Variants in SLC25A40 observed in about 807,000 individuals in gnomAD.
The protein encoded by SLC25A40 is mitochondrial glutathione transporter SLC25A40.
SLC25A40 carries 41 observed loss-of-function variants against 46.5 expected under a neutral mutation model. That is an observed-to-expected ratio of 0.88 (90% confidence interval 0.69 to 1.14). The LOEUF is 1.14. Among genes scored for constraint, SLC25A40 ranks in the 50% most tolerant of loss-of-function variants. The probability of loss-of-function intolerance (pLI) is 0.00; values close to 1 mark genes in which losing one functional copy is unlikely to be tolerated. For missense variants in SLC25A40, 386 were observed against 393.6 expected, an observed-to-expected ratio of 0.98 and a Z score of 0.16; for synonymous variants, 126 against 127.5, an observed-to-expected ratio of 0.99 and a Z score of 0.08.
chr7:87,846,011 C>A (rs1838412665), intron 8 of SLC25A40, among the ~76,000 whole-genome samples: 1 of 151,996 alleles, frequency 6.6e-6, no homozygotes, highest in African/African-American at 2.4e-5. Context: ...CAAAGGTACA[C>A]CAAGAAACTG....
chr7:87,847,004 C>T lies in SLC25A40; in HGVS notation c.576G>A (p.Trp192Ter), dbSNP rs1035790230. The T allele has an allele frequency of 5.6e-6, 9 of 1,613,570 alleles. No individual in the cohort carries two copies. The highest frequency in any genetic ancestry group is 1.6e-4 in the Middle Eastern group (1 of 6,080). Residue 192 changes from tryptophan (W) to a stop codon, truncating the protein, a stop_gained, in exon 8 of 12, where the codon TGG becomes TGA. Transcript: ENST00000341119. LOFTEE classifies it high-confidence loss of function. ...GAGCCCAGCCCCTCCAAAGGGAAAT[C>T]CAACCATCTTCAGATACTTTCTTGC... Reference protein sequence around the residue: ...FVSKKVSEDGWISLWRGWAPT... With the variant: ...FVSKKVSEDG
intron 8 of SLC25A40, 50 bp downstream of exon 8, chr7:87,846,899 T>C: frequency 6.9e-7 from 1 of 1,446,372 alleles, no homozygotes; most frequent in Non-Finnish European, 9.3e-7. Flanking sequence ...AATATTTGAA[T>C]GAGACAAAGC....
At position 87,835,280 on chromosome 7, in the gene SLC25A40, TCTTA is replaced by T. The variant is rs1838239885; in HGVS notation, c.*965_*968del. ...CAAGGAAACAGCTTCTTGTTTAGCC[TCTTA>T]CTCTACCATACTTAGAGTAAAAATC... On this transcript the variant is annotated 3_prime_UTR_variant, in exon 12 of 12. Coordinates refer to ENST00000341119, the MANE Select transcript of SLC25A40 (RefSeq NM_018843.4). 6.6e-6 allele frequency: 1 copy of T among 151,646 alleles called. No homozygotes were observed. The highest frequency in any genetic ancestry group is 2.1e-4 in the South Asian group (1 of 4,826). 9.4% of individuals were successfully genotyped at this position (151,646 alleles called of 1,614,324 possible). A position where few individuals can be genotyped will look rare whatever the true frequency, so the allele number is the denominator to read the frequency against.
At chr7:87,871,803 G>A (rs1402579407) in intron 1 of SLC25A40, among the ~76,000 whole-genome samples, 1 of 152,178 alleles carries the variant, frequency 6.6e-6, no homozygotes, top group Non-Finnish European at 1.5e-5. Flanking sequence ...AAATGCACAT[G>A]TGAGAGAATT....
intron 1 of SLC25A40, among the ~76,000 whole-genome samples, chr7:87,864,086 A>C (rs1430759529): frequency 6.6e-6 from 1 of 152,236 alleles, no homozygotes; most frequent in African/African-American, 2.4e-5. Context: ...AGGGCTGTGT[A>C]GTTTAACTCC....
At chr7:87,862,826 A>T (rs10216040) in intron 1 of SLC25A40, among the ~76,000 whole-genome samples, 7,433 of 152,280 alleles carry the variant, frequency 0.049, 272 homozygotes, top group East Asian at 0.092. Context: ...AGCAGAGAAG[A>T]GAACTTGTGC....
At chr7:87,861,649 T>C (rs994172039) in intron 1 of SLC25A40, among the ~76,000 whole-genome samples, 7 of 152,266 alleles carry the variant, frequency 4.6e-5, no homozygotes, top group Non-Finnish European at 7.4e-5. Context: ...ATTTGTAACA[T>C]TCATTTAAAT....
In SLC25A40 at chr7:87,833,853, A is replaced by ATGT. The variant is rs954514897; in HGVS notation, c.*2393_*2395dup. ...TCCACCCTTTGATAGGCCCCAGTAC[A>ATGT]TGTTGTTCCAAGAGGGAAAAATTTA... On this transcript the variant is annotated 3_prime_UTR_variant, in exon 12 of 12. Transcript: ENST00000341119. 1 of 151,678 alleles carries ATGT rather than the reference A, an allele frequency of 6.6e-6. No homozygotes were observed. Among genetic ancestry groups the ATGT allele is most frequent in the African/African-American group, 2.4e-5 (1 of 41,330 alleles). The allele number at this position is 151,678 out of a possible 1,614,324, so 9.4% of individuals were successfully genotyped here. A position where few individuals can be genotyped will look rare whatever the true frequency, so the allele number is the denominator to read the frequency against.
In SLC25A40 at chr7:87,847,172, A is replaced by G. The variant is rs755007919; in HGVS notation, c.458-50T>C. 7 of 1,364,298 alleles carry G rather than the reference A, an allele frequency of 5.1e-6. No individual in the cohort carries two copies. In the South Asian group the frequency reaches 1.1e-4, roughly 22 times the overall value. 84.5% of individuals were successfully genotyped at this position (1,364,298 alleles called of 1,614,324 possible). On this transcript the variant is annotated intron_variant, in intron 7 of 11. Coordinates refer to ENST00000341119, the MANE Select transcript of SLC25A40 (RefSeq NM_018843.4). ...GAAAACAAAAATAAAGCCATGTACT[A>G]TGCAAACACATATACTGTAAAAATT...
intron 1 of SLC25A40, among the ~76,000 whole-genome samples, chr7:87,868,090 C>G (rs1838833763): frequency 6.6e-6 from 1 of 152,114 alleles, no homozygotes; most frequent in South Asian, 2.1e-4. Context: ...AGCAATATTT[C>G]TACCTTCAGG....
At chr7:87,857,848 G>A (rs1025334653) in intron 3 of SLC25A40, among the ~76,000 whole-genome samples, 4 of 152,232 alleles carry the variant, frequency 2.6e-5, no homozygotes, top group Admixed American at 1.3e-4. Flanking sequence ...CTGACTGCCC[G>A]CAGGGTCGGG....
At chr7:87,862,434 G>A (rs1838721374) in intron 1 of SLC25A40, among the ~76,000 whole-genome samples, 1 of 152,110 alleles carries the variant, frequency 6.6e-6, no homozygotes, top group African/African-American at 2.4e-5. Flanking sequence ...AAATGTAAAT[G>A]GGAAGCATTC....
intron 1 of SLC25A40, among the ~76,000 whole-genome samples, chr7:87,866,678 T>C (rs1472655397): frequency 6.6e-6 from 1 of 152,172 alleles, no homozygotes; most frequent in Non-Finnish European, 1.5e-5. Flanking sequence ...CTCAGGGAGA[T>C]AACACTCCTT....
intron 1 of SLC25A40, among the ~76,000 whole-genome samples, chr7:87,867,566 C>T (rs1838823435): frequency 6.6e-6 from 1 of 152,160 alleles, no homozygotes; most frequent in African/African-American, 2.4e-5. Context: ...AGCTCATGTA[C>T]TGTGTCTCTT....
intron 5 of SLC25A40, among the ~76,000 whole-genome samples, chr7:87,851,539 TA>T (rs1413006004): frequency 1.3e-5 from 2 of 152,138 alleles, no homozygotes; most frequent in Non-Finnish European, 2.9e-5. Flanking sequence ...AGGTCAGCAA[TA>T]AGGCTCCTTT....
Position 87,847,385 on chromosome 7 carries a change from A to G in SLC25A40, c.458-263T>C, listed in dbSNP as rs189107555. Among the ~76,000 whole-genome samples, 10 of 152,280 alleles carry G rather than the reference A, an allele frequency of 6.6e-5. No homozygotes were observed. The East Asian group carries it at 1.9e-3, about 29-fold the overall frequency. The stretch of plus-strand genomic sequence containing the variant: ...TCTCAAGGGCAGTTCCAGAAATGTT[A>G]TAATCAACCAGAACTATGAAAACCA... On this transcript the variant is annotated intron_variant, in intron 7 of 11. Coordinates refer to ENST00000341119, the MANE Select transcript of SLC25A40 (RefSeq NM_018843.4).
At chr7:87,856,993 G>A (rs889027330) in intron 3 of SLC25A40, among the ~76,000 whole-genome samples, 2 of 152,182 alleles carry the variant, frequency 1.3e-5, no homozygotes, top group South Asian at 2.1e-4. Context: ...CTCAAATTCT[G>A]ACCTGAAAAT....
intron 9 of SLC25A40, 30 bp downstream of exon 9, chr7:87,843,724 G>C (rs1838369703): frequency 6.7e-7 from 1 of 1,493,848 alleles, no homozygotes; most frequent in East Asian, 2.3e-5. Flanking sequence ...TTATTCTTCT[G>C]GAATATTAAC....
rs1838251744 is a variant in SLC25A40 at position 87,835,863 on chromosome 7, G to T, written c.*386C>A. The T allele has an allele frequency of 6.3e-6, 1 of 157,846 alleles. No individual in the cohort carries two copies. The highest frequency in any genetic ancestry group is 1.4e-5 in the Non-Finnish European group (1 of 72,190). The allele number at this position is 157,846 out of a possible 1,614,324, so 9.8% of individuals were successfully genotyped here. On this transcript the variant is annotated 3_prime_UTR_variant, in exon 12 of 12. Transcript: ENST00000341119. ...CACGATTTAAATGTGCACAAGACTTGGGCTTTTTTCTTCTAGACTATGTAC... is the reference window on the plus strand; with the variant it reads ...CACGATTTAAATGTGCACAAGACTTTGGCTTTTTTCTTCTAGACTATGTAC...
Sources: allele counts gnomAD v4.1 joint callset (sites outside exome capture counted in the v4.1 genomes callset), GRCh38; gene constraint gnomAD v4.1.1; transcripts MANE v1.5; gene names NCBI Gene and HGNC (gene_info 2026-07-23, HGNC 2026-07-21).